SPIN2A: variants seen among roughly 807,000 people sequenced by gnomAD.
SPIN2A encodes spindlin-2A.
Under a neutral mutation model 9.2 loss-of-function variants are expected in SPIN2A, and 4 were observed. The observed-to-expected ratio is 0.44, with a 90% CI of 0.21 to 1.00. The LOEUF (loss-of-function observed/expected upper bound fraction) is 1.00. Ranked by LOEUF, SPIN2A falls within the 50% of genes least tolerant of loss-of-function variation. The probability of loss-of-function intolerance (pLI) is 0.26; values close to 1 mark genes in which losing one functional copy is unlikely to be tolerated. For synonymous variants in SPIN2A, 25 were observed against 61.2 expected, an observed-to-expected ratio of 0.41 and a Z score of 2.76; for missense variants, 77 against 172.8, an observed-to-expected ratio of 0.45 and a Z score of 3.11.
At chrX:57,141,119 C>T (rs1351997106), upstream of SPIN2A, among the ~76,000 whole-genome samples, 1 of 111,632 alleles carries the variant, frequency 9.0e-6, no homozygotes, top group Non-Finnish European at 1.9e-5. Flanking sequence ...CCTTCTATAT[C>T]CATTTTGTTG....
chrX:57,143,841 C>A, the SPIN2A span, among the ~76,000 whole-genome samples: 1 of 111,725 alleles, frequency 9.0e-6, no homozygotes, highest in East Asian at 2.8e-4. Context: ...GGTTTATATA[C>A]AAGTACAGTA....
At chrX:57,144,201 A>G in the SPIN2A span, among the ~76,000 whole-genome samples, 1 of 111,125 alleles carries the variant, frequency 9.0e-6, no homozygotes, top group South Asian at 3.8e-4. Context: ...GGTCCTTTAC[A>G]TGTTATTTGG....
At chrX:57,135,515 A>G (rs1927665696), downstream of SPIN2A, 9 of 342,887 alleles carry the variant, frequency 2.6e-5, no homozygotes, top group South Asian at 3.7e-4. Context: ...ATCCAGTGCC[A>G]TTTTTAAATG....
chrX:57,146,625 G>A, the SPIN2A span, among the ~76,000 whole-genome samples: 1 of 111,735 alleles, frequency 8.9e-6, no homozygotes, highest in Non-Finnish European at 1.9e-5. Context: ...GTGAGAGTGG[G>A]CATCCTTGTC....
At chrX:57,136,756 C>T (rs1927790750) in intron 1 of SPIN2A, 154 bp from the exon 2 acceptor site, 1 of 282,382 alleles carries the variant, frequency 3.5e-6, no homozygotes, top group Non-Finnish European at 6.5e-6. Flanking sequence ...GCCCGCAGTG[C>T]TCTCCCTCTT....
In SPIN2A at chrX:57,137,313, C is replaced by G. The variant is rs766695625; in HGVS notation, c.-59G>C. 1.5e-5 allele frequency: 11 copies of G among 757,666 alleles called. No individual in the cohort carries two copies. The highest frequency in any genetic ancestry group is 1.7e-5 in the Non-Finnish European group (11 of 641,463). 62.4% of individuals were successfully genotyped at this position (757,666 alleles called of 1,213,427 possible). A position where few individuals can be genotyped will look rare whatever the true frequency, so the allele number is the denominator to read the frequency against. ...GGCGAAGGAGGGTCAACAGGCGACT[C>G]GCTGAGTGACTGCTTGCAAGAGCGG... On this transcript the variant is annotated 5_prime_UTR_variant, in exon 1 of 2. Coordinates refer to ENST00000374906, the MANE Select transcript of SPIN2A (RefSeq NM_019003.5).
chrX:57,140,763 A>G (rs1329810404), upstream of SPIN2A, among the ~76,000 whole-genome samples: 5 of 111,567 alleles, frequency 4.5e-5, no homozygotes, highest in African/African-American at 6.5e-5. Context: ...TCACTTATAA[A>G]CGGGAGGCAA....
chrX:57,146,643 A>G, the SPIN2A span, among the ~76,000 whole-genome samples: 8 of 111,990 alleles, frequency 7.1e-5, no homozygotes, highest in South Asian at 2.6e-3. Context: ...GTCTTGTTCC[A>G]GTTCTCAGAG....
chrX:57,142,815 A>G, the SPIN2A span, among the ~76,000 whole-genome samples: 4 of 111,714 alleles, frequency 3.6e-5, no homozygotes, highest in Admixed American at 9.5e-5. Context: ...ATTTACAATT[A>G]TTATATCCTC....
intron 1 of SPIN2A, 147 bp downstream of exon 1, chrX:57,137,113 C>A: frequency 1.3e-6 from 1 of 771,281 alleles, no homozygotes; most frequent in Non-Finnish European, 1.5e-6. Context: ...CTCCCCCACC[C>A]CACCCTTGCC....
chrX:57,137,300 T>C lies in SPIN2A; in HGVS notation c.-46A>G. ...GCTGTGAGCCTGTGGCGAAGGAGGG[T>C]CAACAGGCGACTCGCTGAGTGACTG... On this transcript the variant is annotated 5_prime_UTR_variant, in exon 1 of 2. Transcript: ENST00000374906. The C allele has an allele frequency of 1.3e-6, 1 of 758,677 alleles. No homozygotes were observed. Among genetic ancestry groups the C allele is most frequent in the Non-Finnish European group, 1.6e-6 (1 of 641,763 alleles). 62.5% of individuals were successfully genotyped at this position (758,677 alleles called of 1,213,427 possible).
chrX:57,146,746 C>T, the SPIN2A span, among the ~76,000 whole-genome samples: 2 of 111,846 alleles, frequency 1.8e-5, no homozygotes, highest in East Asian at 5.6e-4. Context: ...CTCTTCTATG[C>T]TGATTTTGCT....
In SPIN2A at chrX:57,137,241, A is replaced by C. The variant is rs1401027142; in HGVS notation, c.-6+19T>G. The C allele has an allele frequency of 3.9e-6, 3 of 760,535 alleles. No individual in the cohort carries two copies. The East Asian group carries it at 4.4e-4, about 112-fold the overall frequency. The allele number at this position is 760,535 out of a possible 1,213,427, so 62.7% of individuals were successfully genotyped here. A position where few individuals can be genotyped will look rare whatever the true frequency, so the allele number is the denominator to read the frequency against. ...TCCACCGCCGGGGATCGCGGGCCTC[A>C]CGTGCCGAAATCGGATACCTCGATG... On this transcript the variant is annotated intron_variant, in intron 1 of 1. Coordinates refer to ENST00000374906, the MANE Select transcript of SPIN2A (RefSeq NM_019003.5).
At chrX:57,138,576 C>A (rs761379859), upstream of SPIN2A, among the ~76,000 whole-genome samples, 4 of 110,556 alleles carry the variant, frequency 3.6e-5, no homozygotes, top group South Asian at 7.6e-4. Flanking sequence ...GGATATATAC[C>A]CAATAGTGAG....
the SPIN2A span, among the ~76,000 whole-genome samples, chrX:57,144,447 G>T: frequency 9.6e-6 from 1 of 103,664 alleles, no homozygotes; most frequent in African/African-American, 3.5e-5. Flanking sequence ...TAACTCTGTG[G>T]GTTTTTTTTT....
upstream of SPIN2A, among the ~76,000 whole-genome samples, chrX:57,138,041 A>T (rs1927886113): frequency 1.8e-5 from 2 of 112,051 alleles, no homozygotes; most frequent in African/African-American, 6.5e-5. Flanking sequence ...GAATACATAC[A>T]TTAAGTGTTT....
At chrX:57,146,478 G>C in the SPIN2A span, among the ~76,000 whole-genome samples, 1 of 111,463 alleles carries the variant, frequency 9.0e-6, no homozygotes, top group South Asian at 3.7e-4. Flanking sequence ...AGTCTTTAGG[G>C]TTTTCTAGGT....
At chrX:57,141,809 T>A (rs1402744555), upstream of SPIN2A, among the ~76,000 whole-genome samples, 1 of 111,070 alleles carries the variant, frequency 9.0e-6, no homozygotes, top group Non-Finnish European at 1.9e-5. Context: ...TTACTTTAAG[T>A]TCTAGGATAC....
At chrX:57,145,209 A>T in the SPIN2A span, among the ~76,000 whole-genome samples, 4 of 104,970 alleles carry the variant, frequency 3.8e-5, no homozygotes, top group East Asian at 1.2e-3. Flanking sequence ...CCACATCCAT[A>T]CCAGCATCTA....
Sources: allele counts gnomAD v4.1 joint callset (sites outside exome capture counted in the v4.1 genomes callset), GRCh38; gene constraint gnomAD v4.1.1; transcripts MANE v1.5; gene names NCBI Gene and HGNC (gene_info 2026-07-23, HGNC 2026-07-21).